Variants in ARB2A observed in about 807,000 individuals in gnomAD.
ARB2A encodes the protein cotranscriptional regulator ARB2A.
At chr5:93,723,688 G>A in the ARB2A span, among the ~76,000 whole-genome samples, 1 of 151,958 alleles carries the variant, frequency 6.6e-6, no homozygotes, top group African/African-American at 2.4e-5. Context: ...ATACCTTATC[G>A]ATGCTAGTGA....
chr5:93,742,328 C>T, the ARB2A span, among the ~76,000 whole-genome samples: 73 of 152,330 alleles, frequency 4.8e-4, no homozygotes, highest in Non-Finnish European at 8.4e-4. Flanking sequence ...CTCTTTCCCA[C>T]TCTAGAGACA....
the ARB2A span, among the ~76,000 whole-genome samples, chr5:93,633,315 C>T: frequency 1.3e-5 from 2 of 152,304 alleles, no homozygotes; most frequent in South Asian, 2.1e-4. Context: ...CAGTCTCTCC[C>T]CTTTGATCTT....
the ARB2A span, among the ~76,000 whole-genome samples, chr5:93,621,927 C>T: frequency 6.6e-6 from 1 of 152,140 alleles, no homozygotes; most frequent in Non-Finnish European, 1.5e-5. Flanking sequence ...AGGAGGAATT[C>T]AACTTAGAAA....
chr5:93,830,313 A>ATGTGTG, the ARB2A span, among the ~76,000 whole-genome samples: 7,732 of 51,082 alleles, frequency 0.15, 373 homozygotes, highest in East Asian at 0.24. Flanking sequence ...GTGTGTGTGT[A>ATGTGTG]TATATATATA....
At chr5:93,693,495 C>T in the ARB2A span, among the ~76,000 whole-genome samples, 1 of 152,054 alleles carries the variant, frequency 6.6e-6, no homozygotes, top group Non-Finnish European at 1.5e-5. Flanking sequence ...CCTCCCAAGT[C>T]TAAACCAGGA....
At chr5:94,061,217 G>A in the ARB2A span, among the ~76,000 whole-genome samples, 4 of 152,058 alleles carry the variant, frequency 2.6e-5, no homozygotes, top group South Asian at 2.1e-4. Context: ...CAGCCTGGGC[G>A]ACAGAGCAAG....
At chr5:93,689,709 T>C in the ARB2A span, among the ~76,000 whole-genome samples, 1 of 152,042 alleles carries the variant, frequency 6.6e-6, no homozygotes, top group African/African-American at 2.4e-5. Context: ...TTTTTTTTTT[T>C]GAGACGGAGT....
At chr5:94,056,051 T>A in the ARB2A span, 1 of 449,220 alleles carries the variant, frequency 2.2e-6, no homozygotes, top group Non-Finnish European at 2.9e-6. Context: ...TGAACTCAGG[T>A]AAAATGGCTT....
At chr5:93,708,201 A>G in the ARB2A span, among the ~76,000 whole-genome samples, 13,200 of 152,262 alleles carry the variant, frequency 0.087, 770 homozygotes, top group Middle Eastern at 0.17. Flanking sequence ...TCATATTGGG[A>G]TACATTTTTA....
the ARB2A span, among the ~76,000 whole-genome samples, chr5:93,999,281 C>A: frequency 6.6e-6 from 1 of 151,742 alleles, no homozygotes; most frequent in African/African-American, 2.4e-5. Context: ...GCAGCAAAAC[C>A]TTGGAGTATT....
the ARB2A span, chr5:93,738,954 A>G: frequency 1.3e-5 from 2 of 152,244 alleles, no homozygotes; most frequent in Non-Finnish European, 2.9e-5. Context: ...TTTATCACAC[A>G]CACAAAAATA....
the ARB2A span, among the ~76,000 whole-genome samples, chr5:93,886,622 G>A: frequency 6.6e-6 from 1 of 151,608 alleles, no homozygotes; most frequent in Non-Finnish European, 1.5e-5. Context: ...ACAGTGAGAT[G>A]AGGTCATGAC....
the ARB2A span, among the ~76,000 whole-genome samples, chr5:93,627,700 A>T: frequency 6.6e-6 from 1 of 152,146 alleles, no homozygotes; most frequent in African/African-American, 2.4e-5. Context: ...TTGGCTTCCC[A>T]AAGTGGTGGG....
the ARB2A span, among the ~76,000 whole-genome samples, chr5:94,109,124 G>A: frequency 3.9e-5 from 6 of 152,132 alleles, no homozygotes; most frequent in Non-Finnish European, 4.4e-5. Flanking sequence ...TCTGACACAC[G>A]CTACAACATG....
the ARB2A span, among the ~76,000 whole-genome samples, chr5:93,663,757 T>G: frequency 1.3e-5 from 2 of 152,210 alleles, no homozygotes; most frequent in Admixed American, 6.5e-5. Context: ...AATTTCCATA[T>G]AGTTAATTAC....
At chr5:93,975,853 AC>A in the ARB2A span, among the ~76,000 whole-genome samples, 7 of 152,186 alleles carry the variant, frequency 4.6e-5, no homozygotes, top group Non-Finnish European at 7.3e-5. Flanking sequence ...TCTACTAGAT[AC>A]GCAAAGAGCT....
At chr5:94,060,540 T>G in the ARB2A span, among the ~76,000 whole-genome samples, 5 of 152,174 alleles carry the variant, frequency 3.3e-5, no homozygotes, top group African/African-American at 1.2e-4. Flanking sequence ...CCTCAAAATT[T>G]TTCAGGTCAA....
the ARB2A span, among the ~76,000 whole-genome samples, chr5:94,106,978 A>G: frequency 6.6e-5 from 10 of 151,952 alleles, no homozygotes; most frequent in Non-Finnish European, 1.5e-4. Flanking sequence ...AATGGGGTCT[A>G]CTTCAGGGTG....
At chr5:93,640,570 GTGTA>G in the ARB2A span, among the ~76,000 whole-genome samples, 5 of 149,174 alleles carry the variant, frequency 3.4e-5, no homozygotes, top group African/African-American at 5.0e-5. Context: ...GTGTGTGTGT[GTGTA>G]TGTGTGTGTG....
Sources: allele counts gnomAD v4.1 joint callset (sites outside exome capture counted in the v4.1 genomes callset), GRCh38; gene constraint gnomAD v4.1.1; transcripts MANE v1.5; gene names NCBI Gene and HGNC (gene_info 2026-07-23, HGNC 2026-07-21).